CAPN13: variants seen among roughly 807,000 people sequenced by gnomAD.
CAPN13 encodes the protein calpain 13.
In CAPN13, 90 loss-of-function variants were observed where a neutral mutation model predicts 98.4. The ratio of observed to expected loss-of-function variants is 0.92; its 90% CI spans 0.77 to 1.09. The LOEUF is 1.09. CAPN13 is among the 50% of genes least tolerant of loss of function. The probability of loss-of-function intolerance (pLI) is 0.00; values close to 1 mark genes in which losing one functional copy is unlikely to be tolerated. For missense variants in CAPN13, 887 were observed against 841.3 expected (o/e 1.05, Z -0.67); for synonymous variants, 330 against 305.5 (o/e 1.08, Z -0.84).
At chr2:30,751,029 C>A in intron 11 of CAPN13, 74 bp downstream of exon 11, 1 of 1,521,244 alleles carries the variant, frequency 6.6e-7, no homozygotes, top group Non-Finnish European at 8.9e-7. Flanking sequence ...CCCAGCCTGG[C>A]CAGAGCTGTT....
intron 14 of CAPN13, 30 bp downstream of exon 14, chr2:30,742,296 C>T (rs1671701556): frequency 6.3e-7 from 1 of 1,593,414 alleles, no homozygotes; most frequent in African/African-American, 1.3e-5. Flanking sequence ...GCCAATGAGG[C>T]TCGCCAGCCA....
In CAPN13 at chr2:30,767,767, T is replaced by C. The variant is rs114106189; in HGVS notation, c.524+2546A>G. Among the ~76,000 whole-genome samples, 1,243 of 152,316 alleles carry C rather than the reference T, an allele frequency of 8.2e-3. 17 individuals carry two copies. The highest frequency in any genetic ancestry group is 0.028 in the African/African-American group (1,175 of 41,560). On this transcript the variant is annotated intron_variant, in intron 5 of 22. Transcript: ENST00000295055. Reference sequence around the variant, plus strand: ...AAGAAAGAATGCACAAAAAGAGGTCTTGAGGCACCTCACTGTTTGGACTGT... The same window carrying C: ...AAGAAAGAATGCACAAAAAGAGGTCCTGAGGCACCTCACTGTTTGGACTGT...
At chr2:30,745,290 C>A (rs1287317355) in intron 12 of CAPN13, 3 of 476,122 alleles carry the variant, frequency 6.3e-6, no homozygotes, top group Non-Finnish European at 1.3e-5. Context: ...CAGTTTCTTG[C>A]AAGACGGGCT....
chr2:30,729,305 T>A (rs1158221778), intron 22 of CAPN13, among the ~76,000 whole-genome samples: 1 of 152,148 alleles, frequency 6.6e-6, no homozygotes, highest in African/African-American at 2.4e-5. Context: ...ATGATAGGCA[T>A]TAGTGAAAGA....
chr2:30,790,396 G>A (rs1253594722), intron 1 of CAPN13, among the ~76,000 whole-genome samples: 1 of 152,220 alleles, frequency 6.6e-6, no homozygotes, highest in African/African-American at 2.4e-5. Flanking sequence ...TGCTGCTGGG[G>A]CAGCTCTTGG....
chr2:30,804,189 T>A (rs1241020968), intron 1 of CAPN13, among the ~76,000 whole-genome samples: 3 of 152,158 alleles, frequency 2.0e-5, no homozygotes, highest in Non-Finnish European at 2.9e-5. Context: ...TGTTTTGGCT[T>A]TCTCAGAGCC....
At position 30,800,345 on chromosome 2, in the gene CAPN13, A is replaced by T. The variant is rs78118702; in HGVS notation, c.-33+6957T>A. 7.9e-3 allele frequency among the ~76,000 whole-genome samples: 1,205 copies of T among 152,246 alleles called. 21 individuals carry two copies. The East Asian group carries it at 0.089, about 11-fold the overall frequency. On this transcript the variant is annotated intron_variant, in intron 1 of 22. Coordinates refer to ENST00000295055, the MANE Select transcript of CAPN13 (RefSeq NM_144575.3). ...GGCAGAAAGCAGAAGCGACTTACTGAGGTTCCACAGGCAGGGCAACCCCAG... is the reference window on the plus strand; with the variant it reads ...GGCAGAAAGCAGAAGCGACTTACTGTGGTTCCACAGGCAGGGCAACCCCAG...
At chr2:30,759,751 C>T (rs1027337737) in intron 7 of CAPN13, among the ~76,000 whole-genome samples, 5 of 152,166 alleles carry the variant, frequency 3.3e-5, no homozygotes, top group African/African-American at 1.2e-4. Flanking sequence ...ATCTAAAGTC[C>T]GGGCTCCTAG....
chr2:30,778,662 T>A (rs1376364817), intron 2 of CAPN13, among the ~76,000 whole-genome samples: 1 of 152,100 alleles, frequency 6.6e-6, no homozygotes, highest in Non-Finnish European at 1.5e-5. Flanking sequence ...ACTGCCCAGG[T>A]TTCCTGGAAG....
In CAPN13 at chr2:30,732,939, T is replaced by G. The variant is rs563585134; in HGVS notation, c.1799-373A>C. Among the ~76,000 whole-genome samples, 7 of 152,246 alleles carry G rather than the reference T, an allele frequency of 4.6e-5. No homozygotes were observed. In the East Asian group the frequency reaches 1.4e-3, roughly 29 times the overall value. On this transcript the variant is annotated intron_variant, in intron 19 of 22. Coordinates refer to ENST00000295055, the MANE Select transcript of CAPN13 (RefSeq NM_144575.3). ...CAACCTTCCTCCCCACCCATGACTG[T>G]AGGTGGATTGTTTATGGATGCTGCT...
At chr2:30,741,666 C>T (rs1225851445) in intron 15 of CAPN13, 10 of 1,361,152 alleles carry the variant, frequency 7.3e-6, no homozygotes, top group Non-Finnish European at 9.5e-6. Flanking sequence ...ATTATCCCCT[C>T]CCTTTCTAAG....
At chr2:30,779,448 G>A (rs1558333669) in intron 2 of CAPN13, among the ~76,000 whole-genome samples, 2 of 152,216 alleles carry the variant, frequency 1.3e-5, no homozygotes, top group African/African-American at 2.4e-5. Context: ...CTTGCTGAGG[G>A]CGGGTACCTT....
At chr2:30,796,157 T>TAC (rs1195580749) in intron 1 of CAPN13, among the ~76,000 whole-genome samples, 16 of 147,170 alleles carry the variant, frequency 1.1e-4, no homozygotes, top group African/African-American at 3.3e-4. Flanking sequence ...TATATATATA[T>TAC]ACATATATAT....
intron 22 of CAPN13, among the ~76,000 whole-genome samples, chr2:30,727,610 T>C (rs1670902647): frequency 6.6e-6 from 1 of 152,196 alleles, no homozygotes; most frequent in Non-Finnish European, 1.5e-5. Flanking sequence ...CACAGTGAGA[T>C]ATCACTTCAC....
At chr2:30,745,596 T>C (rs960272362) in intron 12 of CAPN13, 127 bp downstream of exon 12, 3 of 878,478 alleles carry the variant, frequency 3.4e-6, no homozygotes, top group Non-Finnish European at 5.3e-6. Flanking sequence ...CTGTGTCTGA[T>C]GTAAGACTTA....
chr2:30,744,856 C>A (rs185230184), intron 12 of CAPN13, among the ~76,000 whole-genome samples: 2 of 152,300 alleles, frequency 1.3e-5, no homozygotes, highest in Admixed American at 1.3e-4. Flanking sequence ...GGATTAAGTG[C>A]CACTTTGTTC....
chr2:30,733,918 G>C (rs912345465), intron 19 of CAPN13, among the ~76,000 whole-genome samples: 1 of 152,208 alleles, frequency 6.6e-6, no homozygotes, highest in Non-Finnish European at 1.5e-5. Flanking sequence ...AGTCAAAGGA[G>C]ATGACGCGAA....
intron 15 of CAPN13, among the ~76,000 whole-genome samples, chr2:30,739,809 T>G (rs10153751): frequency 0.14 from 20,710 of 151,758 alleles, 1,710 homozygotes; most frequent in Non-Finnish European, 0.2. Flanking sequence ...AGGAATAGAG[T>G]GAGGGTTGCT....
chr2:30,771,760 C>T (rs142026103), intron 4 of CAPN13, among the ~76,000 whole-genome samples: 1 of 152,316 alleles, frequency 6.6e-6, no homozygotes, highest in Non-Finnish European at 1.5e-5. Context: ...GCTGGTCTTG[C>T]CTCTTATTAC....
Sources: gnomAD v4.1 joint callset for allele counts (sites outside exome capture counted in the v4.1 genomes callset) on GRCh38, gnomAD v4.1.1 for gene constraint, MANE v1.5 for transcripts, NCBI Gene and HGNC (gene_info 2026-07-23, HGNC 2026-07-21) for gene names.